The following ATP6V0A1 variants were observed in gnomAD, a reference collection of about 807,000 sequenced individuals.
ATP6V0A1 encodes the protein V-type proton ATPase 116 kDa subunit a 1.
In ATP6V0A1, 43 loss-of-function variants were observed where a neutral mutation model predicts 105.4. The observed-to-expected ratio is 0.41, with a 90% CI of 0.32 to 0.53. ATP6V0A1 has a LOEUF of 0.53. ATP6V0A1 is among the 20% of genes least tolerant of loss of function. ATP6V0A1 has a pLI of 0.30. For missense variants in ATP6V0A1, 676 were observed against 1,051.1 expected, an observed-to-expected ratio of 0.64 and a Z score of 4.93; for synonymous variants, 362 against 372.8, an observed-to-expected ratio of 0.97 and a Z score of 0.33.
intron 5 of ATP6V0A1, among the ~76,000 whole-genome samples, chr17:42,472,063 T>C (rs931522474): frequency 4.0e-5 from 6 of 150,614 alleles, no homozygotes; most frequent in African/African-American, 1.5e-4. Context: ...TTTTTTTTTT[T>C]TTTTTCCCGA....
In ATP6V0A1 at chr17:42,491,312, T is replaced by A. The variant is rs191310918; in HGVS notation, c.1174+675T>A. On this transcript the variant is annotated intron_variant, in intron 11 of 21. Coordinates refer to ENST00000343619, the MANE Select transcript of ATP6V0A1 (RefSeq NM_001130021.3). ...TAGCACTGTTTTTTTAATTTAATTT[T>A]ATTTTTAATTTTTTTTGAGACGGAG... Among the ~76,000 whole-genome samples, 106 of 152,314 alleles carry A rather than the reference T, an allele frequency of 7.0e-4. No homozygotes were observed. In the Middle Eastern group the frequency reaches 0.01, roughly 15 times the overall value.
chr17:42,470,249 C>A, intron 5 of ATP6V0A1, 31 bp downstream of exon 5: 1 of 1,607,298 alleles, frequency 6.2e-7, no homozygotes. Flanking sequence ...AGTATTTGAG[C>A]AGCTGATATT....
At chr17:42,514,559 C>A in intron 21 of ATP6V0A1, 99 bp downstream of exon 21, 1 of 1,261,874 alleles carries the variant, frequency 7.9e-7, no homozygotes, top group Non-Finnish European at 1.1e-6. Flanking sequence ...CAGCTCTGTG[C>A]AGGAAAGATG....
intron 2 of ATP6V0A1, among the ~76,000 whole-genome samples, chr17:42,462,890 G>A (rs1250728220): frequency 1.3e-5 from 2 of 151,780 alleles, no homozygotes; most frequent in African/African-American, 2.4e-5. Flanking sequence ...TAGGATTACC[G>A]GTGTGAGCCA....
At chr17:42,466,402 G>A in intron 2 of ATP6V0A1, 27 bp from the exon 3 acceptor site, 1 of 1,552,020 alleles carries the variant, frequency 6.4e-7, no homozygotes, top group Non-Finnish European at 8.9e-7. Flanking sequence ...ATATTTCAAT[G>A]TTTGGTATTG....
chr17:42,507,805 C>T (rs2092118990), intron 18 of ATP6V0A1, 178 bp downstream of exon 18: 1 of 609,562 alleles, frequency 1.6e-6, no homozygotes, highest in African/African-American at 1.9e-5. Context: ...CTGCCCTAAG[C>T]TCCAGCTGTT....
chr17:42,502,837 A>G (rs532635532), intron 17 of ATP6V0A1: 160 of 152,804 alleles, frequency 1.0e-3, no homozygotes, highest in South Asian at 2.7e-3. Context: ...AACCCGAGCC[A>G]ACAGGGACTA....
At chr17:42,514,043 G>A (rs1341165688) in intron 20 of ATP6V0A1, 65 bp downstream of exon 20, 10 of 1,520,464 alleles carry the variant, frequency 6.6e-6, no homozygotes, top group Non-Finnish European at 9.1e-6. Context: ...TGTCAGTTGG[G>A]GGGCTTAAGT....
At chr17:42,516,333 T>G (rs943923338) in intron 21 of ATP6V0A1, among the ~76,000 whole-genome samples, 8 of 152,146 alleles carry the variant, frequency 5.3e-5, no homozygotes, top group African/African-American at 9.7e-5. Flanking sequence ...GGGCAAGACG[T>G]GGCTAGGGTG....
In ATP6V0A1 at chr17:42,483,187, T is replaced by C; in HGVS notation, c.810+56T>C. ...TGTGAAATACTGGAATACGAGACCATTATCCTTCCTTGAAATGCTGATATT... is the reference window on the plus strand; with the variant it reads ...TGTGAAATACTGGAATACGAGACCACTATCCTTCCTTGAAATGCTGATATT... On this transcript the variant is annotated intron_variant, in intron 9 of 21. Coordinates refer to ENST00000343619, the MANE Select transcript of ATP6V0A1 (RefSeq NM_001130021.3). The C allele has an allele frequency of 1.0e-5, 13 of 1,299,816 alleles. 1 individual carries two copies. Among genetic ancestry groups the C allele is most frequent in the Non-Finnish European group, 1.2e-5 (12 of 970,764 alleles). 80.5% of individuals were successfully genotyped at this position (1,299,816 alleles called of 1,614,324 possible).
At chr17:42,463,106 A>C (rs2086636382) in intron 2 of ATP6V0A1, among the ~76,000 whole-genome samples, 1 of 143,324 alleles carries the variant, frequency 7.0e-6, no homozygotes, top group Non-Finnish European at 1.5e-5. Flanking sequence ...CCTGGGTTCA[A>C]GCAATCCTCC....
Position 42,501,254 on chromosome 17 carries a change from C to T in ATP6V0A1, c.1954C>T (p.Leu652=). 2 of 1,614,098 alleles carry T rather than the reference C, an allele frequency of 1.2e-6. No homozygotes were observed. Among genetic ancestry groups the T allele is most frequent in the Non-Finnish European group, 1.7e-6 (2 of 1,180,008 alleles). ...VALLCVPWML[L]FKPLVLRRQY... ...ACTACTGTGTGTACCTTGGATGCTG[C>T]TGTTTAAACCATTGGTCCTTCGCCG... Residue 652 remains leucine, a synonymous_variant, in exon 17 of 22, where the codon CTG becomes TTG. Transcript: ENST00000343619.
chr17:42,499,829 A>G (rs1292455357), intron 15 of ATP6V0A1, among the ~76,000 whole-genome samples: 1 of 152,094 alleles, frequency 6.6e-6, no homozygotes, highest in Non-Finnish European at 1.5e-5. Context: ...TAGACTTAAT[A>G]TTAGTCCTTT....
Position 42,480,730 on chromosome 17 carries a change from G to A in ATP6V0A1, c.697G>A (p.Val233Ile), listed in dbSNP as rs1294062263. Reference protein sequence around the residue: ...FFQGDQLKNRVKKICEGFRAS... With the variant: ...FFQGDQLKNRIKKICEGFRAS... ...CCAAGGCGATCAGCTGAAAAACAGA[G>A]TCAAGAAAATCTGTGAAGGGTAAGA... The change falls in exon 8 of 22, where the codon GTC (valine) becomes ATC (isoleucine). Residue 233 changes from valine (V) to isoleucine (I), a missense_variant. By Grantham distance (29) the Val-to-Ile change is conservative. This residue lies in a region of ATP6V0A1 where 239 missense variants were observed against 388.4 expected (regional missense o/e 0.62). Transcript: ENST00000343619. 2 of 1,613,826 alleles carry A rather than the reference G, an allele frequency of 1.2e-6. No homozygotes were observed. Among genetic ancestry groups the A allele is most frequent in the Non-Finnish European group, 1.7e-6 (2 of 1,179,864 alleles).
At chr17:42,487,524 G>A (rs1452747729) in intron 10 of ATP6V0A1, among the ~76,000 whole-genome samples, 157 bp downstream of exon 10, 2 of 152,116 alleles carry the variant, frequency 1.3e-5, no homozygotes, top group Non-Finnish European at 2.9e-5. Context: ...TCAAGAGATC[G>A]AGACCATCCT....
chr17:42,496,879 G>A (rs528961409), intron 14 of ATP6V0A1, among the ~76,000 whole-genome samples: 4 of 152,188 alleles, frequency 2.6e-5, no homozygotes, highest in East Asian at 3.9e-4. Flanking sequence ...TACAATCAGC[G>A]AAACATAGAC....
intron 18 of ATP6V0A1, among the ~76,000 whole-genome samples, chr17:42,508,316 T>C (rs1002256048): frequency 1.3e-5 from 2 of 152,270 alleles, no homozygotes; most frequent in Non-Finnish European, 2.9e-5. Context: ...TCAGTCTGTC[T>C]GACCACTTTC....
chr17:42,466,628 T>C, intron 3 of ATP6V0A1, 121 bp downstream of exon 3: 1 of 834,570 alleles, frequency 1.2e-6, no homozygotes, highest in Non-Finnish European at 1.9e-6. Context: ...AATCTTGCAG[T>C]TAAGATGCCA....
At position 42,460,864 on chromosome 17, in the gene ATP6V0A1, G is replaced by A. The variant is rs1178665134; in HGVS notation, c.-31G>A. ...TTGCTTCAGGTTGGAGAGAAATCCA[G>A]GTACTCACTAGACTGGTACCTTCTG... On this transcript the variant is annotated 5_prime_UTR_variant, in exon 2 of 22. Coordinates refer to ENST00000343619, the MANE Select transcript of ATP6V0A1 (RefSeq NM_001130021.3). The A allele has an allele frequency of 3.2e-6, 5 of 1,546,210 alleles. No homozygotes were observed. The highest frequency in any genetic ancestry group is 4.5e-6 in the Non-Finnish European group (5 of 1,118,968).
Sources: allele counts gnomAD v4.1 joint callset (sites outside exome capture counted in the v4.1 genomes callset), GRCh38; gene constraint gnomAD v4.1.1; regional missense constraint gnomAD v4.1.1; transcripts MANE v1.5; gene names NCBI Gene and HGNC (gene_info 2026-07-23, HGNC 2026-07-21).